Variants in NXPH2 observed in about 807,000 individuals in gnomAD.
NXPH2 encodes neurexophilin-2.
NXPH2 carries 5 observed loss-of-function variants against 19.8 expected under a neutral mutation model. The ratio of observed to expected loss-of-function variants is 0.25; its 90% confidence interval spans 0.13 to 0.53. The LOEUF (loss-of-function observed/expected upper bound fraction) is 0.53. Among genes scored for constraint, NXPH2 ranks in the 20% least tolerant of loss-of-function variants. NXPH2 has a pLI of 0.96. For synonymous variants in NXPH2, 154 were observed against 127.4 expected, an observed-to-expected ratio of 1.21 and a Z score of -1.41; for missense variants, 289 against 322.8, an observed-to-expected ratio of 0.90 and a Z score of 0.80.
At chr2:138,714,753 C>T (rs190600487) in intron 1 of NXPH2, among the ~76,000 whole-genome samples, 16 of 152,284 alleles carry the variant, frequency 1.1e-4, no homozygotes, top group Admixed American at 3.3e-4. Context: ...TTTGTTTCAA[C>T]GGATTCATGC....
chr2:138,751,357 T>A (rs577639720), intron 1 of NXPH2, among the ~76,000 whole-genome samples: 72 of 152,286 alleles, frequency 4.7e-4, no homozygotes, highest in African/African-American at 1.7e-3. Flanking sequence ...TAATATATCC[T>A]CAACTTAAAA....
chr2:138,748,655 A>G (rs1457891785), intron 1 of NXPH2, among the ~76,000 whole-genome samples: 1 of 152,106 alleles, frequency 6.6e-6, no homozygotes, highest in Non-Finnish European at 1.5e-5. Flanking sequence ...CAGTAATACC[A>G]TGGAAACTGT....
intron 1 of NXPH2, among the ~76,000 whole-genome samples, chr2:138,735,110 C>T (rs1681518812): frequency 6.6e-6 from 1 of 152,166 alleles, no homozygotes; most frequent in Non-Finnish European, 1.5e-5. Flanking sequence ...AAGTCCATGA[C>T]AATGGATGCC....
chr2:138,764,752 T>G (rs1682066560), intron 1 of NXPH2, among the ~76,000 whole-genome samples: 1 of 152,192 alleles, frequency 6.6e-6, no homozygotes, highest in Admixed American at 6.5e-5. Flanking sequence ...ACAAATTAGC[T>G]TTGCTCTTCC....
intron 1 of NXPH2, among the ~76,000 whole-genome samples, chr2:138,770,285 T>C (rs1192388063): frequency 6.6e-6 from 1 of 152,146 alleles, no homozygotes; most frequent in Non-Finnish European, 1.5e-5. Flanking sequence ...TCTGGCATGT[T>C]TCACTTTAGT....
chr2:138,769,400 T>C (rs1196335269), intron 1 of NXPH2, among the ~76,000 whole-genome samples: 1 of 152,102 alleles, frequency 6.6e-6, no homozygotes, highest in Non-Finnish European at 1.5e-5. Context: ...TGCATGCACT[T>C]GCCTCCCTCC....
At chr2:138,749,507 G>A (rs1681793828) in intron 1 of NXPH2, among the ~76,000 whole-genome samples, 2 of 152,126 alleles carry the variant, frequency 1.3e-5, no homozygotes, top group Admixed American at 6.6e-5. Flanking sequence ...GATCCCAAAT[G>A]TACAAAATGT....
chr2:138,755,507 C>CT (rs1262525225), intron 1 of NXPH2, among the ~76,000 whole-genome samples: 1 of 152,036 alleles, frequency 6.6e-6, no homozygotes, highest in Non-Finnish European at 1.5e-5. Context: ...TCTTAGTTCT[C>CT]TTTTTTGCAC....
intron 1 of NXPH2, among the ~76,000 whole-genome samples, chr2:138,729,782 A>G (rs1225650305): frequency 6.6e-6 from 1 of 152,052 alleles, no homozygotes; most frequent in Admixed American, 6.6e-5. Flanking sequence ...TTCAAACATG[A>G]CCCTGTATCT....
chr2:138,770,069 C>A (rs1485073281), intron 1 of NXPH2, among the ~76,000 whole-genome samples: 3 of 151,950 alleles, frequency 2.0e-5, no homozygotes, highest in Non-Finnish European at 4.4e-5. Context: ...GAGGAAAAAA[C>A]CTGAGTGGTA....
At chr2:138,711,144 A>ATTTTTTTTTTTTT (rs1681099881) in intron 1 of NXPH2, among the ~76,000 whole-genome samples, 3 of 24,638 alleles carry the variant, frequency 1.2e-4, no homozygotes, top group Non-Finnish European at 2.7e-4. Context: ...CATTTCTATC[A>ATTTTTTTTTTTTT]CTTTTTTTTT....
At chr2:138,712,161 G>A (rs367784133) in intron 1 of NXPH2, among the ~76,000 whole-genome samples, 3 of 152,274 alleles carry the variant, frequency 2.0e-5, no homozygotes, top group East Asian at 3.9e-4. Context: ...GTGTGTGCAC[G>A]TGCATCGCAG....
intron 1 of NXPH2, among the ~76,000 whole-genome samples, chr2:138,727,162 GTTTA>G (rs1449876908): frequency 6.6e-6 from 1 of 152,148 alleles, no homozygotes; most frequent in East Asian, 1.9e-4. Flanking sequence ...ATGTACCACA[GTTTA>G]TTTATCCACT....
chr2:138,675,953 ATATGTGTG>A (rs1558910879), intron 1 of NXPH2, among the ~76,000 whole-genome samples: 1 of 31,566 alleles, frequency 3.2e-5, no homozygotes, highest in Admixed American at 4.8e-4. Flanking sequence ...ATATATATAC[ATATGTGTG>A]TGTGTGTGTG....
At chr2:138,686,368 G>A (rs1044782297) in intron 1 of NXPH2, among the ~76,000 whole-genome samples, 11 of 152,096 alleles carry the variant, frequency 7.2e-5, no homozygotes, top group African/African-American at 2.4e-4. Flanking sequence ...CACAGGAAGA[G>A]GCACTGTCTC....
At chr2:138,699,425 C>T (rs1011418516) in intron 1 of NXPH2, among the ~76,000 whole-genome samples, 2 of 152,094 alleles carry the variant, frequency 1.3e-5, no homozygotes, top group Non-Finnish European at 2.9e-5. Context: ...GATTACCAGT[C>T]TATGCCTTGT....
At chr2:138,764,140 T>C (rs1423708599) in intron 1 of NXPH2, among the ~76,000 whole-genome samples, 1 of 152,044 alleles carries the variant, frequency 6.6e-6, no homozygotes, top group African/African-American at 2.4e-5. Context: ...TAACATACCT[T>C]TGAGGAGAGG....
intron 1 of NXPH2, among the ~76,000 whole-genome samples, chr2:138,678,488 T>A (rs1245295058): frequency 9.6e-5 from 1 of 10,444 alleles, no homozygotes; most frequent in Non-Finnish European, 2.6e-4. Context: ...GGTTTAGGAT[T>A]TTTTTTTTTT....
chr2:138,675,486 G>A (rs888610477), intron 1 of NXPH2, among the ~76,000 whole-genome samples: 7 of 152,018 alleles, frequency 4.6e-5, no homozygotes, highest in African/African-American at 1.7e-4. Flanking sequence ...TACTTCCATT[G>A]TGATGGTTCT....
Sources: allele counts gnomAD v4.1 joint callset (sites outside exome capture counted in the v4.1 genomes callset), GRCh38; gene constraint gnomAD v4.1.1; transcripts MANE v1.5; gene names NCBI Gene and HGNC (gene_info 2026-07-23, HGNC 2026-07-21).